TMEFF1: variants seen among roughly 807,000 people sequenced by gnomAD.
TMEFF1 encodes the protein transmembrane protein with EGF like and two follistatin like domains 1, also known as tomoregulin-1.
TMEFF1 carries 20 observed loss-of-function variants against 47.5 expected under a neutral mutation model. The ratio of observed to expected loss-of-function variants is 0.42; its 90% CI spans 0.30 to 0.61. The LOEUF (loss-of-function observed/expected upper bound fraction) is 0.61, where lower values mean the gene tolerates loss of function less well. Ranked by LOEUF, TMEFF1 falls within the 20% of genes least tolerant of loss-of-function variation. TMEFF1 has a pLI of 0.19. For synonymous variants in TMEFF1, 162 were observed against 166.3 expected (o/e 0.97, Z 0.20); for missense variants, 411 against 471.1 (o/e 0.87, Z 1.18).
At chr9:100,537,963 A>G (rs1398776017) in intron 5 of TMEFF1, among the ~76,000 whole-genome samples, 2 of 152,308 alleles carry the variant, frequency 1.3e-5, no homozygotes, top group Non-Finnish European at 2.9e-5. Flanking sequence ...ATTATAAAAT[A>G]TATTCAAAAG....
At chr9:100,508,083 T>C (rs904930679) in intron 2 of TMEFF1, among the ~76,000 whole-genome samples, 1 of 152,236 alleles carries the variant, frequency 6.6e-6, no homozygotes, top group African/African-American at 2.4e-5. Flanking sequence ...CCCTGATTGC[T>C]AGTGAAGATC....
chr9:100,539,805 G>A (rs1040703844), intron 5 of TMEFF1, among the ~76,000 whole-genome samples: 3 of 152,164 alleles, frequency 2.0e-5, no homozygotes, highest in Non-Finnish European at 4.4e-5. Context: ...CCTGCAGATT[G>A]GTCCATTTTA....
chr9:100,473,935 C>G lies in TMEFF1; in HGVS notation c.196+195C>G, dbSNP rs1416951146. ...GGACCGGCGCTGGGGATGGGAGTGG[C>G]CGTGGGTGCGTCCGAGTGTGTCGAG... On this transcript the variant is annotated intron_variant, in intron 1 of 9. Coordinates refer to ENST00000374879, the MANE Select transcript of TMEFF1 (RefSeq NM_003692.5). This position sits in a 1 kb window ranked among gnomAD's most constrained non-coding sequence, Gnocchi z 5.4. Among the ~76,000 whole-genome samples, 1 of 151,472 alleles carries G rather than the reference C, an allele frequency of 6.6e-6. No individual in the cohort carries two copies. The highest frequency in any genetic ancestry group is 1.5e-5 in the Non-Finnish European group (1 of 67,824).
rs144680556 is a variant in TMEFF1, at chr9:100,548,202, A to G, written c.709+310A>G. ...TCTCAAATTTGGAATGATTATAGCT[A>G]TTTAAGAGTTAGATAACTTATTTTA... On this transcript the variant is annotated intron_variant, in intron 6 of 9. Transcript: ENST00000374879. 5.3e-5 allele frequency among the ~76,000 whole-genome samples: 8 copies of G among 152,192 alleles called. No homozygotes were observed. The East Asian group carries it at 1.4e-3, about 26-fold the overall frequency.
intron 5 of TMEFF1, among the ~76,000 whole-genome samples, chr9:100,529,649 T>A (rs2118440895): frequency 6.6e-6 from 1 of 152,158 alleles, no homozygotes; most frequent in East Asian, 1.9e-4. Flanking sequence ...AATGGGAGAC[T>A]TTTAACACCC....
intron 1 of TMEFF1, among the ~76,000 whole-genome samples, chr9:100,478,125 C>T (rs760089917): frequency 5.3e-5 from 8 of 152,174 alleles, no homozygotes; most frequent in Non-Finnish European, 1.2e-4. Flanking sequence ...TATTCTGTTA[C>T]TGTCCCCTAC....
chr9:100,527,282 G>A (rs888945369), intron 5 of TMEFF1, among the ~76,000 whole-genome samples: 5 of 152,232 alleles, frequency 3.3e-5, no homozygotes, highest in South Asian at 2.1e-4. Context: ...AGCTCCCAGC[G>A]TGAGCCACGC....
chr9:100,548,931 C>T (rs1391595220), intron 6 of TMEFF1, among the ~76,000 whole-genome samples: 1 of 151,946 alleles, frequency 6.6e-6, no homozygotes, highest in Non-Finnish European at 1.5e-5. Context: ...GAAGTATGGT[C>T]CCCCCACCCC....
intron 2 of TMEFF1, among the ~76,000 whole-genome samples, chr9:100,507,103 AATGAGAGC>A (rs1837877762): frequency 6.6e-6 from 1 of 152,104 alleles, no homozygotes; most frequent in Non-Finnish European, 1.5e-5. Flanking sequence ...ACCTAACACT[AATGAGAGC>A]ATGAGGTATT....
At chr9:100,552,428 A>G (rs1281827705) in intron 7 of TMEFF1, among the ~76,000 whole-genome samples, 1 of 152,150 alleles carries the variant, frequency 6.6e-6, no homozygotes, top group Non-Finnish European at 1.5e-5. Flanking sequence ...AACTAAGGAT[A>G]TTAGGTAGGT....
At chr9:100,493,245 A>G (rs547145563) in intron 1 of TMEFF1, among the ~76,000 whole-genome samples, 14 of 152,194 alleles carry the variant, frequency 9.2e-5, no homozygotes, top group Admixed American at 2.0e-4. Flanking sequence ...CCAAATGTCA[A>G]TAGTGCCCAG....
chr9:100,572,811 A>G (rs1272917902), intron 9 of TMEFF1, 135 bp downstream of exon 9: 16 of 1,122,284 alleles, frequency 1.4e-5, no homozygotes, highest in Non-Finnish European at 1.8e-5. Flanking sequence ...GTCTCTCCCT[A>G]TCCTTCTTCT....
Position 100,475,715 on chromosome 9 carries a change from CTGTGTGTGTGTGTGTGTGTGTGTGTGTG to C in TMEFF1, c.196+1989_196+2016del, listed in dbSNP as rs3055671. ...GATGTGGGTTGGTGATGCAGAGCGA[CTGTGTGTGTGTGTGTGTGTGTGTGTGTG>C]TGTGTGTGTGTGTTCTTTGGGTTCT... On this transcript the variant is annotated intron_variant, in intron 1 of 9. Transcript: ENST00000374879. Among the ~76,000 whole-genome samples the C allele has an allele frequency of 6.9e-4, 97 of 140,934 alleles. 1 individual carries two copies. The allele number at this position is 140,934 out of a possible 152,430, so 92.5% of individuals were successfully genotyped here.
chr9:100,542,077 G>T (rs1455866842), intron 5 of TMEFF1, among the ~76,000 whole-genome samples: 4 of 150,932 alleles, frequency 2.7e-5, no homozygotes, highest in Non-Finnish European at 5.9e-5. Flanking sequence ...TTATACTTTT[G>T]TCTTGCTTTT....
At chr9:100,475,779 G>T (rs1010222284) in intron 1 of TMEFF1, among the ~76,000 whole-genome samples, 35 of 151,214 alleles carry the variant, frequency 2.3e-4, no homozygotes, top group African/African-American at 7.3e-4. Flanking sequence ...AAGATGGAAT[G>T]TAGGGGCTTG....
At chr9:100,572,190 TA>T (rs1447259763) in intron 8 of TMEFF1, among the ~76,000 whole-genome samples, 1 of 151,810 alleles carries the variant, frequency 6.6e-6, no homozygotes, top group Admixed American at 6.6e-5. Flanking sequence ...AAAAAAGGAG[TA>T]AATCTTTGTG....
At chr9:100,528,892 C>T (rs1277519455) in intron 5 of TMEFF1, among the ~76,000 whole-genome samples, 5 of 142,478 alleles carry the variant, frequency 3.5e-5, no homozygotes, top group Non-Finnish European at 6.2e-5. Flanking sequence ...CAGCAGATCT[C>T]TCGGCAGAAA....
intron 8 of TMEFF1, among the ~76,000 whole-genome samples, chr9:100,570,563 C>G (rs914242263): frequency 1.3e-5 from 2 of 151,952 alleles, no homozygotes; most frequent in Non-Finnish European, 2.9e-5. Flanking sequence ...ATCTTAGCAC[C>G]CTTGTCAAAA....
chr9:100,501,168 G>T (rs932107757), intron 2 of TMEFF1, among the ~76,000 whole-genome samples: 1 of 152,160 alleles, frequency 6.6e-6, no homozygotes, highest in South Asian at 2.1e-4. Flanking sequence ...GGGGAAGACC[G>T]GGGCTGTTCT....
Sources: allele counts gnomAD v4.1 joint callset (sites outside exome capture counted in the v4.1 genomes callset), GRCh38; gene constraint gnomAD v4.1.1; non-coding constraint Gnocchi (gnomAD v3.1); transcripts MANE v1.5; gene names NCBI Gene and HGNC (gene_info 2026-07-23, HGNC 2026-07-21).